The following LCP1 variants were observed in gnomAD, a reference collection of about 807,000 sequenced individuals.
The protein encoded by LCP1 is lymphocyte cytosolic protein 1.
In LCP1, 23 loss-of-function variants were observed where a neutral mutation model predicts 72.0. The observed-to-expected ratio is 0.32, with a 90% confidence interval of 0.23 to 0.45. The LOEUF (loss-of-function observed/expected upper bound fraction) is 0.45, where lower values mean the gene tolerates loss of function less well. Ranked by LOEUF, LCP1 falls within the 20% of genes least tolerant of loss-of-function variation. The pLI is 1.00. For missense variants in LCP1, 571 were observed against 748.3 expected (o/e 0.76, Z 2.76); for synonymous variants, 245 against 275.4 (o/e 0.89, Z 1.09).
chr13:46,140,640 C>A lies in LCP1; in HGVS notation c.1502+1652G>T, dbSNP rs1050328276. 7.9e-5 allele frequency among the ~76,000 whole-genome samples: 12 copies of A among 151,704 alleles called. No homozygotes were observed. In the South Asian group the frequency reaches 2.1e-3, roughly 26 times the overall value. On this transcript the variant is annotated intron_variant, in intron 13 of 15. Transcript: ENST00000323076. ...AAAAAATTAGCAGCATGCAAAGAAG[C>A]CAAAAAATATGACTCATAATGAAGA...
intron 14 of LCP1, among the ~76,000 whole-genome samples, chr13:46,131,311 T>A (rs2045633004): frequency 6.6e-6 from 1 of 152,144 alleles, no homozygotes; most frequent in African/African-American, 2.4e-5. Context: ...GAGATACCAC[T>A]GCACACCATT....
At chr13:46,165,296 C>T (rs1184813356) in intron 1 of LCP1, among the ~76,000 whole-genome samples, 1 of 151,956 alleles carries the variant, frequency 6.6e-6, no homozygotes, top group South Asian at 2.1e-4. Context: ...ATCACTTGAA[C>T]CCAGGAAGCG....
intron 9 of LCP1, 21 bp downstream of exon 9, chr13:46,148,331 A>T: frequency 2.6e-6 from 4 of 1,550,184 alleles, no homozygotes; most frequent in Non-Finnish European, 3.6e-6. Context: ...TTCTCCAAAC[A>T]CAACTGGGAC....
chr13:46,171,603 TA>T (rs1217119125), intron 1 of LCP1, among the ~76,000 whole-genome samples: 4 of 152,182 alleles, frequency 2.6e-5, no homozygotes, highest in Admixed American at 2.0e-4. Flanking sequence ...TCACATTTAA[TA>T]AAGCACATAC....
chr13:46,161,288 T>C (rs1322504571), intron 1 of LCP1, among the ~76,000 whole-genome samples: 1 of 152,232 alleles, frequency 6.6e-6, no homozygotes, highest in Non-Finnish European at 1.5e-5. Context: ...CCAGGGAGCA[T>C]GATTTGAAAA....
chr13:46,173,540 T>C (rs1352797844), intron 1 of LCP1, among the ~76,000 whole-genome samples: 1 of 152,004 alleles, frequency 6.6e-6, no homozygotes, highest in Non-Finnish European at 1.5e-5. Context: ...ATTTCTAGTA[T>C]AAACTGTAGG....
intron 7 of LCP1, 131 bp downstream of exon 7, chr13:46,152,649 G>A (rs991432312): frequency 2.4e-5 from 21 of 876,934 alleles, no homozygotes; most frequent in Non-Finnish European, 3.4e-5. Flanking sequence ...TCTGTGACAT[G>A]AATACCATGG....
intron 1 of LCP1, among the ~76,000 whole-genome samples, chr13:46,173,914 A>G (rs1421934332): frequency 1.3e-5 from 2 of 152,206 alleles, no homozygotes; most frequent in East Asian, 3.8e-4. Context: ...CACATACACT[A>G]TGAGCCATGA....
rs2045599499 is a variant in LCP1, at chr13:46,126,557, G to C, written c.*1034C>G. The C allele has an allele frequency of 4.3e-6, 1 of 231,796 alleles. No homozygotes were observed. Among genetic ancestry groups the C allele is most frequent in the African/African-American group, 2.2e-5 (1 of 45,342 alleles). 14.4% of individuals were successfully genotyped at this position (231,796 alleles called of 1,614,324 possible). A position where few individuals can be genotyped will look rare whatever the true frequency, so the allele number is the denominator to read the frequency against. On this transcript the variant is annotated 3_prime_UTR_variant, in exon 16 of 16. Transcript: ENST00000323076. ...AGAAAGCTTTTATAGTACCAAAAAA[G>C]TAAACATTGATAATATGGCCTGACA...
chr13:46,145,957 G>A (rs1449840299), intron 10 of LCP1, among the ~76,000 whole-genome samples: 2 of 147,992 alleles, frequency 1.4e-5, no homozygotes, highest in South Asian at 2.1e-4. Flanking sequence ...GAGGGCAAAC[G>A]GGATGGGAGG....
At chr13:46,175,631 T>C (rs75784957) in intron 1 of LCP1, among the ~76,000 whole-genome samples, 2,149 of 152,082 alleles carry the variant, frequency 0.014, 51 homozygotes, top group African/African-American at 0.049. Context: ...GTATCACAAC[T>C]GTCATTCTCA....
At chr13:46,181,558 T>G (rs2045955210) in intron 1 of LCP1, among the ~76,000 whole-genome samples, 1 of 152,208 alleles carries the variant, frequency 6.6e-6, no homozygotes, top group Non-Finnish European at 1.5e-5. Flanking sequence ...GCACACCCAT[T>G]AAAAACCCTT....
intron 4 of LCP1, among the ~76,000 whole-genome samples, chr13:46,157,011 G>A (rs1014566261): frequency 4.0e-5 from 6 of 151,574 alleles, no homozygotes; most frequent in Non-Finnish European, 8.8e-5. Context: ...TAGTAGAGAC[G>A]GGGTTTCATC....
chr13:46,168,675 A>C (rs2045890221), intron 1 of LCP1, among the ~76,000 whole-genome samples: 1 of 152,232 alleles, frequency 6.6e-6, no homozygotes, highest in African/African-American at 2.4e-5. Context: ...GACGGTACTC[A>C]AACTGTCCCA....
At chr13:46,144,028 C>T (rs927522738) in intron 11 of LCP1, among the ~76,000 whole-genome samples, 5 of 151,542 alleles carry the variant, frequency 3.3e-5, no homozygotes, top group African/African-American at 7.3e-5. Flanking sequence ...ATTGCGCCAC[C>T]GCACTCCAGC....
chr13:46,129,490 T>G (rs976734439), intron 15 of LCP1, among the ~76,000 whole-genome samples: 14 of 152,232 alleles, frequency 9.2e-5, no homozygotes, highest in Admixed American at 5.9e-4. Context: ...GAGCTGCTAT[T>G]TGCTCTAAAG....
intron 4 of LCP1, among the ~76,000 whole-genome samples, chr13:46,158,289 A>G (rs1038520410): frequency 2.6e-5 from 4 of 152,248 alleles, no homozygotes; most frequent in African/African-American, 9.6e-5. Context: ...GAATCTGGGC[A>G]GCCTTTAATG....
intron 1 of LCP1, among the ~76,000 whole-genome samples, chr13:46,160,344 T>C (rs2045830262): frequency 6.6e-6 from 1 of 152,234 alleles, no homozygotes; most frequent in South Asian, 2.1e-4. Flanking sequence ...AGTGATGTCT[T>C]AAGTCACTAC....
At chr13:46,139,164 G>A (rs1436534903) in intron 13 of LCP1, among the ~76,000 whole-genome samples, 1 of 152,138 alleles carries the variant, frequency 6.6e-6, no homozygotes, top group Non-Finnish European at 1.5e-5. Flanking sequence ...CAGCCCTGAG[G>A]AGTTTTCAAT....
Sources: gnomAD v4.1 joint callset for allele counts (sites outside exome capture counted in the v4.1 genomes callset) on GRCh38, gnomAD v4.1.1 for gene constraint, MANE v1.5 for transcripts, NCBI Gene and HGNC (gene_info 2026-07-23, HGNC 2026-07-21) for gene names.